The following CDC42SE2 variants were observed in gnomAD, a reference collection of about 807,000 sequenced individuals.
The protein encoded by CDC42SE2 is CDC42 small effector protein 2.
Under a neutral mutation model 11.5 loss-of-function variants are expected in CDC42SE2, and 3 were observed. The ratio of observed to expected loss-of-function variants is 0.26; its 90% CI spans 0.12 to 0.67. The LOEUF is 0.67. Ranked by LOEUF, CDC42SE2 falls within the 30% of genes least tolerant of loss-of-function variation. The pLI, the probability that CDC42SE2 is intolerant of heterozygous loss-of-function variation, is 0.80. For missense variants in CDC42SE2, 82 were observed against 106.8 expected (o/e 0.77, Z 1.02); for synonymous variants, 33 against 34.8 (o/e 0.95, Z 0.18).
intron 3 of CDC42SE2, among the ~76,000 whole-genome samples, chr5:131,382,075 A>G (rs1750344282): frequency 2.0e-5 from 3 of 152,228 alleles, no homozygotes; most frequent in Admixed American, 6.5e-5. Flanking sequence ...TCCAATACTA[A>G]GGTGTGACTC....
intron 2 of CDC42SE2, among the ~76,000 whole-genome samples, chr5:131,320,175 A>G (rs1309044964): frequency 6.6e-6 from 1 of 150,692 alleles, no homozygotes; most frequent in Non-Finnish European, 1.5e-5. Context: ...ACTTGAGGTT[A>G]GGGGTTTGAG....
At chr5:131,355,809 C>T (rs978953706) in intron 2 of CDC42SE2, among the ~76,000 whole-genome samples, 1 of 151,898 alleles carries the variant, frequency 6.6e-6, no homozygotes, top group Non-Finnish European at 1.5e-5. Flanking sequence ...TATTAAATTG[C>T]GGGTAGGATG....
intron 3 of CDC42SE2, among the ~76,000 whole-genome samples, chr5:131,365,948 C>G (rs182693443): frequency 1.3e-3 from 204 of 152,284 alleles, no homozygotes; most frequent in Non-Finnish European, 1.5e-3. Flanking sequence ...CGCCACTGCA[C>G]TCCAGCCTGG....
At chr5:131,220,104 A>T in the CDC42SE2 span, among the ~76,000 whole-genome samples, 2 of 152,224 alleles carry the variant, frequency 1.3e-5, no homozygotes, top group African/African-American at 4.8e-5. Context: ...TTATACATGT[A>T]GGTTGTCAGC....
At chr5:131,362,552 C>G (rs1749739085) in intron 3 of CDC42SE2, among the ~76,000 whole-genome samples, 2 of 152,154 alleles carry the variant, frequency 1.3e-5, no homozygotes, top group Admixed American at 6.5e-5. Context: ...TGCATGCCGA[C>G]TCTCCCACTT....
chr5:131,338,759 A>T (rs529752424), intron 2 of CDC42SE2, among the ~76,000 whole-genome samples: 1 of 152,294 alleles, frequency 6.6e-6, no homozygotes, highest in East Asian at 1.9e-4. Flanking sequence ...GTAGTTTCAG[A>T]GTCTTACGTT....
At chr5:131,341,535 A>T (rs532096070) in intron 2 of CDC42SE2, among the ~76,000 whole-genome samples, 3 of 152,338 alleles carry the variant, frequency 2.0e-5, no homozygotes, top group East Asian at 3.9e-4. Context: ...ATTTTACAAC[A>T]TAAGTGAGAA....
At chr5:131,374,735 T>C (rs1407351052) in intron 3 of CDC42SE2, among the ~76,000 whole-genome samples, 2 of 152,110 alleles carry the variant, frequency 1.3e-5, no homozygotes, top group Non-Finnish European at 2.9e-5. Context: ...TTCAATTTTA[T>C]ATAGTAAATG....
chr5:131,383,044 T>G (rs888630971), intron 3 of CDC42SE2, among the ~76,000 whole-genome samples: 22 of 152,152 alleles, frequency 1.4e-4, no homozygotes, highest in African/African-American at 5.1e-4. Context: ...CAAACAAAAA[T>G]AGTATGAAGA....
intron 2 of CDC42SE2, among the ~76,000 whole-genome samples, chr5:131,333,313 T>G (rs1335536332): frequency 6.6e-6 from 1 of 152,204 alleles, no homozygotes; most frequent in African/African-American, 2.4e-5. Flanking sequence ...CTCTGCTCTG[T>G]TCCATTGGTC....
intron 4 of CDC42SE2, 125 bp from the exon 5 acceptor site, chr5:131,390,868 T>G: frequency 2.1e-6 from 1 of 472,486 alleles, no homozygotes; most frequent in Non-Finnish European, 3.7e-6. Context: ...AAAAAATTTT[T>G]GTCTATAAAA....
intron 2 of CDC42SE2, among the ~76,000 whole-genome samples, chr5:131,323,558 T>G (rs1331957046): frequency 7.2e-6 from 1 of 138,364 alleles, no homozygotes; most frequent in Admixed American, 7.2e-5. Context: ...TTTTTTTTTT[T>G]TTTTTTTTTT....
chr5:131,327,508 T>G (rs1346046297), intron 2 of CDC42SE2, among the ~76,000 whole-genome samples: 1 of 152,226 alleles, frequency 6.6e-6, no homozygotes, highest in Non-Finnish European at 1.5e-5. Flanking sequence ...CTCTGAGGCT[T>G]TGTATGTTGA....
At chr5:131,298,098 A>G (rs1439940425) in intron 1 of CDC42SE2, among the ~76,000 whole-genome samples, 3 of 151,316 alleles carry the variant, frequency 2.0e-5, no homozygotes, top group African/African-American at 7.3e-5. Context: ...GCTGCTGTCT[A>G]GTCATCTTTA....
intron 2 of CDC42SE2, among the ~76,000 whole-genome samples, chr5:131,327,153 G>GT (rs1439033933): frequency 1.3e-5 from 2 of 151,992 alleles, no homozygotes; most frequent in African/African-American, 4.8e-5. Context: ...TTTTCATTGG[G>GT]TAAGTTGAAA....
chr5:131,286,800 C>G (rs553917520), intron 1 of CDC42SE2, among the ~76,000 whole-genome samples: 1 of 151,476 alleles, frequency 6.6e-6, no homozygotes, highest in South Asian at 2.1e-4. Context: ...TGTAATAATA[C>G]AATATATAAT....
At chr5:131,245,271 G>A (rs1234300302), upstream of CDC42SE2, among the ~76,000 whole-genome samples, 2 of 152,138 alleles carry the variant, frequency 1.3e-5, no homozygotes, top group Non-Finnish European at 2.9e-5. Context: ...AGTCTGTGCT[G>A]TGCCTACTGT....
intron 1 of CDC42SE2, among the ~76,000 whole-genome samples, chr5:131,309,640 T>C (rs1580745346): frequency 5.4e-5 from 8 of 148,824 alleles, no homozygotes; most frequent in East Asian, 3.9e-4. Flanking sequence ...TATTGGTCTA[T>C]TCAGAGATTC....
intron 2 of CDC42SE2, among the ~76,000 whole-genome samples, chr5:131,331,360 C>T (rs1197178181): frequency 6.6e-6 from 1 of 152,106 alleles, no homozygotes; most frequent in Non-Finnish European, 1.5e-5. Flanking sequence ...TAAGAATCAA[C>T]ATAATTATAA....
Sources: allele counts gnomAD v4.1 joint callset (sites outside exome capture counted in the v4.1 genomes callset), GRCh38; gene constraint gnomAD v4.1.1; transcripts MANE v1.5; gene names NCBI Gene and HGNC (gene_info 2026-07-23, HGNC 2026-07-21).